The following ABCA12 variants were observed in gnomAD, a reference collection of about 807,000 sequenced individuals.
The protein encoded by ABCA12 is ATP binding cassette subfamily A member 12.
ABCA12 carries 156 observed loss-of-function variants against 293.5 expected under a neutral mutation model. The observed-to-expected ratio is 0.53, with a 90% CI of 0.47 to 0.61. ABCA12 has a LOEUF of 0.61. Among genes scored for constraint, ABCA12 ranks in the 20% least tolerant of loss-of-function variants. The probability of loss-of-function intolerance (pLI) is 0.00; values close to 1 mark genes in which losing one functional copy is unlikely to be tolerated. For missense variants in ABCA12, 2,797 were observed against 3,090.2 expected, an observed-to-expected ratio of 0.91 and a Z score of 2.25; for synonymous variants, 1,063 against 1,108.0, an observed-to-expected ratio of 0.96 and a Z score of 0.81.
chr2:215,062,176 A>G (rs1233140986), intron 3 of ABCA12, among the ~76,000 whole-genome samples: 2 of 151,932 alleles, frequency 1.3e-5, no homozygotes, highest in African/African-American at 4.8e-5. Context: ...ATCTCCTATT[A>G]TTGTTATTGA....
At chr2:214,960,759 A>G (rs1699089560) in intron 39 of ABCA12, among the ~76,000 whole-genome samples, 1 of 152,112 alleles carries the variant, frequency 6.6e-6, no homozygotes, top group South Asian at 2.1e-4. Context: ...GTAAGAATAA[A>G]CACTGGAGTG....
At chr2:215,077,066 G>T (rs1019080558) in intron 2 of ABCA12, among the ~76,000 whole-genome samples, 1 of 152,072 alleles carries the variant, frequency 6.6e-6, no homozygotes, top group African/African-American at 2.4e-5. Flanking sequence ...GGAGAAAATG[G>T]AACCTACTAG....
At chr2:215,084,073 G>A (rs1159247916) in intron 2 of ABCA12, among the ~76,000 whole-genome samples, 1 of 152,020 alleles carries the variant, frequency 6.6e-6, no homozygotes, top group Non-Finnish European at 1.5e-5. Context: ...GACCTCCTGG[G>A]ATCAAGTGAT....
intron 23 of ABCA12, among the ~76,000 whole-genome samples, chr2:214,996,294 C>A (rs1361595847): frequency 6.6e-6 from 1 of 152,106 alleles, no homozygotes; most frequent in Non-Finnish European, 1.5e-5. Context: ...TATATACACA[C>A]AGTTTTATTA....
In ABCA12 at chr2:215,026,446, A is replaced by G. The variant is rs571057986; in HGVS notation, c.1180+374T>C. Reference sequence around the variant, plus strand: ...CCCGCTTTTAGAACTCTATATTATCATTCCTTAACATTTTTTAACAGCTAA... The same window carrying G: ...CCCGCTTTTAGAACTCTATATTATCGTTCCTTAACATTTTTTAACAGCTAA... On this transcript the variant is annotated intron_variant, in intron 10 of 52. Transcript: ENST00000272895. 6.6e-5 allele frequency among the ~76,000 whole-genome samples: 10 copies of G among 152,314 alleles called. No individual in the cohort carries two copies. The East Asian group carries it at 1.5e-3, about 24-fold the overall frequency.
intron 45 of ABCA12, among the ~76,000 whole-genome samples, chr2:214,950,418 G>A (rs56059803): frequency 0.35 from 50,827 of 144,112 alleles, 9,447 homozygotes; most frequent in South Asian, 0.48. Context: ...GTGTGTGTGT[G>A]TGTATATATA....
chr2:215,130,936 G>GTT (rs35257961), intron 1 of ABCA12, among the ~76,000 whole-genome samples: 21 of 148,428 alleles, frequency 1.4e-4, no homozygotes, highest in South Asian at 2.1e-4. Context: ...TCTGCTGAGG[G>GTT]TTTTTTTTTT....
In ABCA12 at chr2:215,012,019, C is replaced by T. The variant is rs772308265; in HGVS notation, c.2073G>A (p.Met691Ile). Residue 691 changes from methionine to isoleucine, a missense_variant, in exon 16 of 53, where the codon ATG (methionine) becomes ATA (isoleucine). By Grantham distance (10) the Met-to-Ile change is conservative (BLOSUM62 1). Coordinates refer to ENST00000272895, the MANE Select transcript of ABCA12 (RefSeq NM_173076.3). ...GCAGATGCATTTGCTTCAGGGATCT[C>T]ATTTTGTCTAGCAGCGGATGTGTGC... The part of the protein sequence containing the change: ...ASGTHPLLDK[M>I]RSLKQMHLPR... 1.9e-6 allele frequency: 3 copies of T among 1,613,882 alleles called. No homozygotes were observed. The African/African-American group carries it at 4.0e-5, about 22-fold the overall frequency.
intron 28 of ABCA12, among the ~76,000 whole-genome samples, chr2:214,986,159 T>G (rs1279398742): frequency 1.3e-5 from 2 of 152,190 alleles, no homozygotes; most frequent in East Asian, 1.9e-4. Flanking sequence ...TATGAAGCAG[T>G]GCAGCTTGGT....
chr2:214,942,428 T>C (rs1698435994), intron 50 of ABCA12, among the ~76,000 whole-genome samples: 1 of 152,204 alleles, frequency 6.6e-6, no homozygotes, highest in Non-Finnish European at 1.5e-5. Flanking sequence ...TTAAATTTGA[T>C]AGTAGTATGA....
At chr2:215,093,260 C>T (rs576895569) in intron 2 of ABCA12, among the ~76,000 whole-genome samples, 2 of 152,330 alleles carry the variant, frequency 1.3e-5, no homozygotes, top group East Asian at 3.9e-4. Flanking sequence ...ACCCCTTCTA[C>T]AAAGCAACAA....
intron 2 of ABCA12, among the ~76,000 whole-genome samples, chr2:215,097,229 G>T (rs1215850279): frequency 2.6e-5 from 4 of 152,036 alleles, no homozygotes; most frequent in South Asian, 4.2e-4. Context: ...TCTTCTCCAT[G>T]CAAATCCAAG....
chr2:215,001,533 C>T, intron 21 of ABCA12, 25 bp downstream of exon 21: 1 of 1,613,234 alleles, frequency 6.2e-7, no homozygotes, highest in African/African-American at 1.3e-5. Flanking sequence ...AAGAGATGCT[C>T]AAACCCTAAT....
chr2:214,954,610 A>C (rs1359098343), intron 43 of ABCA12, among the ~76,000 whole-genome samples: 1 of 152,202 alleles, frequency 6.6e-6, no homozygotes, highest in East Asian at 1.9e-4. Flanking sequence ...CTTCCACTTC[A>C]TGAATTTTCT....
chr2:215,067,478 G>A (rs751732456), intron 2 of ABCA12, among the ~76,000 whole-genome samples: 2 of 152,150 alleles, frequency 1.3e-5, no homozygotes, highest in South Asian at 4.1e-4. Flanking sequence ...TTGAGATAGA[G>A]TGTTTAAGCA....
intron 2 of ABCA12, among the ~76,000 whole-genome samples, chr2:215,077,610 G>A (rs1160052830): frequency 6.6e-6 from 1 of 152,142 alleles, no homozygotes; most frequent in Non-Finnish European, 1.5e-5. Flanking sequence ...ATCTGCTATT[G>A]TGTTTACTCC....
intron 2 of ABCA12, among the ~76,000 whole-genome samples, chr2:215,097,870 A>C (rs1373318764): frequency 3.3e-5 from 5 of 152,238 alleles, no homozygotes; most frequent in Admixed American, 3.3e-4. Context: ...AAAACCAAAG[A>C]TAAATCAACA....
chr2:215,065,132 T>C (rs1050656246), intron 2 of ABCA12, among the ~76,000 whole-genome samples: 3 of 151,648 alleles, frequency 2.0e-5, no homozygotes, highest in Admixed American at 2.0e-4. Flanking sequence ...ACACGAGTCA[T>C]GACAATAGGC....
chr2:215,032,283 G>A, intron 8 of ABCA12: 2 of 144,578 alleles, frequency 1.4e-5, no homozygotes, highest in East Asian at 2.4e-4. Flanking sequence ...TGGGTCACTG[G>A]ATTTTTTTTT....
Sources: allele counts gnomAD v4.1 joint callset (sites outside exome capture counted in the v4.1 genomes callset), GRCh38; gene constraint gnomAD v4.1.1; transcripts MANE v1.5; gene names NCBI Gene and HGNC (gene_info 2026-07-23, HGNC 2026-07-21).